The following DPP10 variants were observed in gnomAD, a reference collection of about 807,000 sequenced individuals.
DPP10 encodes the protein dipeptidyl peptidase like 10.
Under a neutral mutation model 120.9 loss-of-function variants are expected in DPP10, and 33 were observed. The observed-to-expected ratio is 0.27, with a 90% CI of 0.21 to 0.37. DPP10 has a LOEUF of 0.37. Among genes scored for constraint, DPP10 ranks in the 10% least tolerant of loss-of-function variants. The pLI, the probability that DPP10 is intolerant of heterozygous loss-of-function variation, is 1.00. For synonymous variants in DPP10, 337 were observed against 326.1 expected (o/e 1.03, Z -0.36); for missense variants, 816 against 942.8 (o/e 0.87, Z 1.76).
chr2:115,602,820 G>T (rs1319446727), intron 5 of DPP10, among the ~76,000 whole-genome samples: 1 of 152,100 alleles, frequency 6.6e-6, no homozygotes, highest in Non-Finnish European at 1.5e-5. Flanking sequence ...CTCTGAAAAA[G>T]CCAGATAATT....
chr2:114,907,367 C>T (rs1360755047), intron 1 of DPP10, among the ~76,000 whole-genome samples: 1 of 151,448 alleles, frequency 6.6e-6, no homozygotes, highest in Admixed American at 6.6e-5. Flanking sequence ...TCTCTTTTTC[C>T]TGTCTCTTAG....
chr2:114,841,026 A>G (rs1688116637), intron 1 of DPP10, among the ~76,000 whole-genome samples: 1 of 152,108 alleles, frequency 6.6e-6, no homozygotes, highest in South Asian at 2.1e-4. Context: ...TGTGTCCCTC[A>G]CTAAACCTAA....
intron 1 of DPP10, among the ~76,000 whole-genome samples, chr2:114,593,228 G>A (rs1691611027): frequency 6.6e-6 from 1 of 152,194 alleles, no homozygotes; most frequent in Non-Finnish European, 1.5e-5. Context: ...GAAGGCTGCA[G>A]CATGAGAAGA....
chr2:115,150,272 G>A (rs2051463190), intron 1 of DPP10, among the ~76,000 whole-genome samples: 1 of 152,186 alleles, frequency 6.6e-6, no homozygotes, highest in Admixed American at 6.5e-5. Flanking sequence ...TGCTAATGCT[G>A]TTGTGCATTA....
At chr2:114,475,985 C>T (rs1251840422) in intron 1 of DPP10, among the ~76,000 whole-genome samples, 1 of 152,136 alleles carries the variant, frequency 6.6e-6, no homozygotes, top group Non-Finnish European at 1.5e-5. Flanking sequence ...GTTTCACAAA[C>T]CATCAGAGGC....
At chr2:114,549,383 C>G (rs1401677178) in intron 1 of DPP10, among the ~76,000 whole-genome samples, 1 of 152,152 alleles carries the variant, frequency 6.6e-6, no homozygotes, top group East Asian at 1.9e-4. Context: ...GTCCGCATAA[C>G]CTGGAGCGGC....
chr2:115,062,128 CTGTGTGTGTGTGTGTG>C (rs61413782), intron 1 of DPP10, among the ~76,000 whole-genome samples: 9 of 143,876 alleles, frequency 6.3e-5, no homozygotes, highest in East Asian at 2.0e-4. Context: ...GATTACAGTT[CTGTGTGTGTGTGTGTG>C]TGTGTGTGTG....
intron 1 of DPP10, among the ~76,000 whole-genome samples, chr2:115,259,866 G>T (rs1321412751): frequency 6.6e-6 from 1 of 151,876 alleles, no homozygotes; most frequent in Non-Finnish European, 1.5e-5. Context: ...TTATCTATGT[G>T]CATTTTTCTT....
chr2:114,442,824 T>C lies in DPP10; in HGVS notation c.46T>C (p.Ser16Pro), dbSNP rs1558764478. The C allele has an allele frequency of 3.1e-6, 5 of 1,613,350 alleles. No homozygotes were observed. Among genetic ancestry groups the C allele is most frequent in the Non-Finnish European group, 4.2e-6 (5 of 1,179,504 alleles). Residue 16 changes from serine to proline, a missense_variant, in exon 1 of 26, where the codon TCA becomes CCA. Around this residue, in one of 3 missense-constraint regions of DPP10, gnomAD observed 182 missense variants for 207.4 expected, o/e 0.88. Transcript: ENST00000410059. ...SVSHHIKCQPSKTIKELGSNS... is the reference protein window; with the variant it reads ...SVSHHIKCQPPKTIKELGSNS... ...GTCCCATCACATCAAGTGTCAACCCTCAAAAACAATCAAGGTAGGATCTGG... is the reference window on the plus strand; with the variant it reads ...GTCCCATCACATCAAGTGTCAACCCCCAAAAACAATCAAGGTAGGATCTGG...
intron 5 of DPP10, among the ~76,000 whole-genome samples, chr2:115,574,750 G>A (rs565003475): frequency 3.8e-4 from 58 of 152,262 alleles, no homozygotes; most frequent in Admixed American, 3.1e-3. Context: ...ACCAATGAAC[G>A]TTTGTGGAAT....
chr2:114,860,298 T>G (rs1375547931), intron 1 of DPP10, among the ~76,000 whole-genome samples: 1 of 152,212 alleles, frequency 6.6e-6, no homozygotes, highest in Non-Finnish European at 1.5e-5. Context: ...GTATCTACCA[T>G]ATGCCACATA....
intron 3 of DPP10, among the ~76,000 whole-genome samples, chr2:115,484,636 G>A (rs1476196890): frequency 2.0e-5 from 3 of 152,084 alleles, no homozygotes; most frequent in Non-Finnish European, 4.4e-5. Flanking sequence ...TGATCATGAA[G>A]AGAAAGCTTG....
chr2:114,895,346 C>T (rs1692878632), intron 1 of DPP10, among the ~76,000 whole-genome samples: 1 of 152,160 alleles, frequency 6.6e-6, no homozygotes, highest in Non-Finnish European at 1.5e-5. Context: ...CTCACCAAAC[C>T]CCTTCCTTCT....
At chr2:115,010,044 G>A (rs1702149856) in intron 1 of DPP10, among the ~76,000 whole-genome samples, 1 of 152,070 alleles carries the variant, frequency 6.6e-6, no homozygotes, top group Non-Finnish European at 1.5e-5. Flanking sequence ...TTATCTTAAT[G>A]ATATTGTAAT....
At chr2:114,751,624 A>G (rs553735706) in intron 1 of DPP10, among the ~76,000 whole-genome samples, 19 of 152,346 alleles carry the variant, frequency 1.2e-4, no homozygotes, top group South Asian at 4.1e-4. Context: ...CCTAAGCACA[A>G]TGGCGTTCAC....
At chr2:115,667,308 G>T (rs866693447) in intron 5 of DPP10, among the ~76,000 whole-genome samples, 2 of 151,844 alleles carry the variant, frequency 1.3e-5, no homozygotes, top group South Asian at 2.1e-4. Flanking sequence ...GGTTGTTTGT[G>T]TGTGAATAGT....
At chr2:115,335,253 T>C (rs1259016534) in intron 2 of DPP10, among the ~76,000 whole-genome samples, 2 of 152,004 alleles carry the variant, frequency 1.3e-5, no homozygotes, top group South Asian at 2.1e-4. Flanking sequence ...ATGTGGGAAT[T>C]GTGGGAGTTA....
intron 1 of DPP10, among the ~76,000 whole-genome samples, chr2:114,708,059 G>T (rs188590791): frequency 9.2e-4 from 140 of 152,322 alleles, no homozygotes; most frequent in Middle Eastern, 3.4e-3. Flanking sequence ...TCTACTACTT[G>T]CATTCTTAGC....
At chr2:114,747,641 A>C (rs544709119) in intron 1 of DPP10, among the ~76,000 whole-genome samples, 1 of 152,328 alleles carries the variant, frequency 6.6e-6, no homozygotes, top group African/African-American at 2.4e-5. Flanking sequence ...TTTCAGAAAA[A>C]TATGAAATGC....
Sources: gnomAD v4.1 joint callset for allele counts (sites outside exome capture counted in the v4.1 genomes callset) on GRCh38, gnomAD v4.1.1 for gene constraint, gnomAD v4.1.1 regional missense constraint, MANE v1.5 for transcripts, NCBI Gene and HGNC (gene_info 2026-07-23, HGNC 2026-07-21) for gene names.